LRPAP1: variants seen among roughly 807,000 people sequenced by gnomAD.
LRPAP1 encodes alpha-2-macroglobulin receptor-associated protein.
In LRPAP1, 41 loss-of-function variants were observed where a neutral mutation model predicts 39.9. That is an observed-to-expected ratio of 1.03 (90% confidence interval 0.80 to 1.33). The LOEUF (loss-of-function observed/expected upper bound fraction) is 1.33. LRPAP1 is among the 40% of genes most tolerant of loss of function. The probability of loss-of-function intolerance (pLI) is 0.00; values close to 1 mark genes in which losing one functional copy is unlikely to be tolerated. For synonymous variants in LRPAP1, 263 were observed against 212.7 expected, an observed-to-expected ratio of 1.24 and a Z score of -2.06; for missense variants, 565 against 482.3, an observed-to-expected ratio of 1.17 and a Z score of -1.61.
chr4:3,524,636 G>A (rs557441831), intron 2 of LRPAP1, among the ~76,000 whole-genome samples: 35 of 152,360 alleles, frequency 2.3e-4, no homozygotes, highest in Non-Finnish European at 3.8e-4. Flanking sequence ...CCACAGCACT[G>A]AGGCGAGCAG....
intron 6 of LRPAP1, 64 bp downstream of exon 6, chr4:3,516,052 C>A (rs113293864): frequency 1.4e-6 from 2 of 1,478,968 alleles, no homozygotes; most frequent in Non-Finnish European, 1.8e-6. Flanking sequence ...TTTCCTTACC[C>A]GGAAACTGCA....
chr4:3,518,376 G>GAGACAGGCA (rs1412419955), intron 4 of LRPAP1, among the ~76,000 whole-genome samples, 184 bp from the exon 5 acceptor site: 1 of 152,180 alleles, frequency 6.6e-6, no homozygotes, highest in Non-Finnish European at 1.5e-5. Flanking sequence ...CTTTCCAGGC[G>GAGACAGGCA]AGACAGGCGA....
rs754525703 is a variant in LRPAP1 at position 3,532,377 on chromosome 4, C to A, written c.36G>T (p.Gly12=). 87 of 1,591,828 alleles carry A rather than the reference C, an allele frequency of 5.5e-5. No homozygotes were observed. Among genetic ancestry groups the A allele is most frequent in the Non-Finnish European group, 6.9e-5 (81 of 1,169,888 alleles). ...GCAGCAGCAGTAGCAGCGCCGGGAG[C>A]CCGCGCAGAAACGACCTGACCCTCC... is the stretch of plus-strand genomic sequence containing the variant. ...APRRVRSFLR[G]LPALLLLLLF... The change falls in exon 1 of 8, where the codon GGG becomes GGT. Residue 12 remains glycine, a synonymous_variant. Coordinates refer to ENST00000650182, the MANE Select transcript of LRPAP1 (RefSeq NM_002337.4).
At chr4:3,531,694 G>A (rs1311898539) in intron 1 of LRPAP1, among the ~76,000 whole-genome samples, 1 of 152,224 alleles carries the variant, frequency 6.6e-6, no homozygotes, top group Non-Finnish European at 1.5e-5. Context: ...CATTCCCAAG[G>A]TCGCGTTTTA....
chr4:3,525,797 G>T (rs1730063046), intron 1 of LRPAP1, among the ~76,000 whole-genome samples: 1 of 152,232 alleles, frequency 6.6e-6, no homozygotes, highest in Non-Finnish European at 1.5e-5. Context: ...GGTGACCGCT[G>T]GGCACACTGC....
At chr4:3,513,893 C>T (rs1729612248) in intron 7 of LRPAP1, among the ~76,000 whole-genome samples, 1 of 152,274 alleles carries the variant, frequency 6.6e-6, no homozygotes, top group Non-Finnish European at 1.5e-5. Flanking sequence ...GAATAACTCA[C>T]CGAAGGTCCC....
In LRPAP1 at chr4:3,512,717, T is replaced by G; in HGVS notation, c.*257A>C. On this transcript the variant is annotated 3_prime_UTR_variant, in exon 8 of 8. Transcript: ENST00000650182. Reference sequence around the variant, plus strand: ...GACATCGAGGTCCTCACTGGGGTGGTGACTGCCACGCTGATGCTGAGTGGA... The same window carrying G: ...GACATCGAGGTCCTCACTGGGGTGGGGACTGCCACGCTGATGCTGAGTGGA... The G allele has an allele frequency of 5.9e-6, 3 of 510,830 alleles. No homozygotes were observed. Among genetic ancestry groups the G allele is most frequent in the Non-Finnish European group, 1.0e-5 (3 of 286,970 alleles). The allele number at this position is 510,830 out of a possible 1,614,324, so 31.6% of individuals were successfully genotyped here.
chr4:3,524,744 G>A (rs1243877070), intron 2 of LRPAP1, among the ~76,000 whole-genome samples, 163 bp downstream of exon 2: 1 of 152,222 alleles, frequency 6.6e-6, no homozygotes, highest in Non-Finnish European at 1.5e-5. Flanking sequence ...AAGCTTTCTG[G>A]GCACTCAGGA....
rs569097355 is a variant in LRPAP1, at chr4:3,505,633, G to A, written c.*7341C>T. ...CACCACTACCAGCTACCCCAAGCCC[G>A]TCTATACCAGCTACCCCAAGACCGT... On this transcript the variant is annotated 3_prime_UTR_variant, in exon 8 of 8. Coordinates refer to ENST00000650182, the MANE Select transcript of LRPAP1 (RefSeq NM_002337.4). 1.9e-4 allele frequency among the ~76,000 whole-genome samples: 29 copies of A among 151,862 alleles called. No individual in the cohort carries two copies. Among genetic ancestry groups the A allele is most frequent in the Non-Finnish European group, 3.2e-4 (22 of 67,884 alleles).
At chr4:3,531,703 T>C (rs1446982991) in intron 1 of LRPAP1, among the ~76,000 whole-genome samples, 1 of 152,256 alleles carries the variant, frequency 6.6e-6, no homozygotes, top group Non-Finnish European at 1.5e-5. Context: ...GGTCGCGTTT[T>C]ATGTGCTCTA....
rs1224079931 is a variant in LRPAP1, at chr4:3,517,193, C to T, written c.751+841G>A. Among the ~76,000 whole-genome samples, 3 of 152,248 alleles carry T rather than the reference C, an allele frequency of 2.0e-5. No individual in the cohort carries two copies. In the East Asian group the frequency reaches 5.8e-4, roughly 29 times the overall value. ...GGTGGTGAGGGGTCTTGCCCAAGGG[C>T]ACTCAGGTGACAGCAGCACAGCCAC... On this transcript the variant is annotated intron_variant, in intron 5 of 7. Transcript: ENST00000650182.
In LRPAP1 at chr4:3,505,724, A is replaced by C. The variant is rs1729334890; in HGVS notation, c.*7250T>G. Among the ~76,000 whole-genome samples, 1 of 152,248 alleles carries C rather than the reference A, an allele frequency of 6.6e-6. No individual in the cohort carries two copies. The highest frequency in any genetic ancestry group is 1.5e-5 in the Non-Finnish European group (1 of 68,030). ...AAGACCGTCTATACCAGCTACGCCA[A>C]GACCGTCTATACCAGCTACCCCAAG... On this transcript the variant is annotated 3_prime_UTR_variant, in exon 8 of 8. Transcript: ENST00000650182.
Position 3,504,844 on chromosome 4 carries a change from G to A in LRPAP1, c.*8130C>T, listed in dbSNP as rs977490735. Among the ~76,000 whole-genome samples the A allele has an allele frequency of 6.6e-6, 1 of 152,074 alleles. No homozygotes were observed. The highest frequency in any genetic ancestry group is 2.4e-5 in the African/African-American group (1 of 41,396). Reference sequence around the variant, plus strand: ...TGCCCATAATCCCAGCTACTTGGGAGGCTGAGGCAGGGGAATCGCATGAAC... The same window carrying A: ...TGCCCATAATCCCAGCTACTTGGGAAGCTGAGGCAGGGGAATCGCATGAAC... On this transcript the variant is annotated 3_prime_UTR_variant, in exon 8 of 8. Transcript: ENST00000650182.
At chr4:3,525,271 C>T in intron 1 of LRPAP1, 1 of 549,704 alleles carries the variant, frequency 1.8e-6, no homozygotes, top group Non-Finnish European at 3.3e-6. Context: ...TCCGGAAACC[C>T]CAAGTCCATC....
In LRPAP1 at chr4:3,512,489, G is replaced by C. The variant is rs1235435791; in HGVS notation, c.*485C>G. The stretch of plus-strand genomic sequence containing the variant: ...ACCCACAGGGCCCAGAGGGGAAGCT[G>C]GCTATGACGCGATCCCTTCAAGAGC... On this transcript the variant is annotated 3_prime_UTR_variant, in exon 8 of 8. Transcript: ENST00000650182. 6.3e-6 allele frequency: 1 copy of C among 158,646 alleles called. No individual in the cohort carries two copies. The highest frequency in any genetic ancestry group is 1.4e-5 in the Non-Finnish European group (1 of 71,898). 9.8% of individuals were successfully genotyped at this position (158,646 alleles called of 1,614,324 possible). A position where few individuals can be genotyped will look rare whatever the true frequency, so the allele number is the denominator to read the frequency against.
At chr4:3,529,026 A>G (rs1730162220) in intron 1 of LRPAP1, among the ~76,000 whole-genome samples, 1 of 152,168 alleles carries the variant, frequency 6.6e-6, no homozygotes, top group Non-Finnish European at 1.5e-5. Flanking sequence ...CGTCAGAACT[A>G]AGGACTGTCT....
Position 3,516,147 on chromosome 4 carries a change from T to C in LRPAP1, c.803A>G (p.Asn268Ser), listed in dbSNP as rs754280813. Residue 268 changes from asparagine to serine, a missense_variant, in exon 6 of 8, where the codon AAC (asparagine) becomes AGC (serine). Asn to Ser is a conservative substitution (Grantham distance 46). Coordinates refer to ENST00000650182, the MANE Select transcript of LRPAP1 (RefSeq NM_002337.4). ...IDLWDLAQSA[N>S]LTDKELEAFR... ...CGCCTCCAGCTCCTTGTCCGTGAGG[T>C]TGGCGGACTGCGCCAGGTCCCACAG... 13 of 1,582,412 alleles carry C rather than the reference T, an allele frequency of 8.2e-6. No individual in the cohort carries two copies. The African/African-American group carries it at 1.5e-4, about 18-fold the overall frequency.
intron 4 of LRPAP1, 72 bp from the exon 5 acceptor site, chr4:3,518,264 C>T (rs1168619467): frequency 8.0e-6 from 12 of 1,495,966 alleles, no homozygotes; most frequent in Middle Eastern, 1.8e-4. Flanking sequence ...CTGTCTAGAA[C>T]GCCCACTGCT....
At chr4:3,530,232 G>A (rs1315799836) in intron 1 of LRPAP1, among the ~76,000 whole-genome samples, 2 of 152,078 alleles carry the variant, frequency 1.3e-5, no homozygotes, top group Non-Finnish European at 1.5e-5. Context: ...ATGCACTACC[G>A]CCACTGAGAA....
Sources: gnomAD v4.1 joint callset for allele counts (sites outside exome capture counted in the v4.1 genomes callset) on GRCh38, gnomAD v4.1.1 for gene constraint, MANE v1.5 for transcripts, NCBI Gene and HGNC (gene_info 2026-07-23, HGNC 2026-07-21) for gene names.